DLC1: variants seen among roughly 807,000 people sequenced by gnomAD.
The protein encoded by DLC1 is rho GTPase-activating protein 7.
A neutral mutation model predicts 140.3 loss-of-function variants in DLC1; 54 were observed. That is an observed-to-expected ratio of 0.38 (90% CI 0.31 to 0.48). The LOEUF is 0.48. DLC1 is among the 20% of genes least tolerant of loss of function. The probability of loss-of-function intolerance (pLI) is 0.96; values close to 1 mark genes in which losing one functional copy is unlikely to be tolerated. For missense variants in DLC1, 2,536 were observed against 1,907.0 expected (o/e 1.33, Z -6.14); for synonymous variants, 986 against 728.1 (o/e 1.35, Z -5.70).
At chr8:13,133,107 G>C (rs993388862) in intron 5 of DLC1, 4 of 1,480,876 alleles carry the variant, frequency 2.7e-6, no homozygotes, top group Middle Eastern at 1.8e-4. Flanking sequence ...ACGCATCCTT[G>C]CTCGCCGCTC....
rs572865446 is a variant in DLC1 at position 13,485,821 on chromosome 8, A to C, written c.1023+13228T>G. ...GATTTATTTCCATTTTGAGTTGCCC[A>C]GGAAAGGCTCATGCACAACTTAGCA... is the stretch of plus-strand genomic sequence containing the variant. On this transcript the variant is annotated intron_variant, in intron 2 of 17. Coordinates refer to ENST00000276297, the MANE Select transcript of DLC1 (RefSeq NM_182643.3). 2.0e-5 allele frequency among the ~76,000 whole-genome samples: 3 copies of C among 152,360 alleles called. No individual in the cohort carries two copies. In the South Asian group the frequency reaches 6.2e-4, roughly 32 times the overall value.
At chr8:13,383,777 G>C (rs978688108) in intron 4 of DLC1, among the ~76,000 whole-genome samples, 1 of 152,136 alleles carries the variant, frequency 6.6e-6, no homozygotes, top group Non-Finnish European at 1.5e-5. Context: ...AAATGACATA[G>C]AGAAGAGCCA....
At chr8:13,479,456 C>T (rs1163320262) in intron 2 of DLC1, among the ~76,000 whole-genome samples, 4 of 152,016 alleles carry the variant, frequency 2.6e-5, no homozygotes, top group Admixed American at 2.0e-4. Flanking sequence ...GCTGAAACAA[C>T]AGAAACAATG....
intron 5 of DLC1, among the ~76,000 whole-genome samples, chr8:13,208,589 G>A (rs755386526): frequency 3.3e-5 from 5 of 151,862 alleles, no homozygotes; most frequent in Non-Finnish European, 5.9e-5. Flanking sequence ...ATATTTTATC[G>A]AACTTCTGCT....
intron 3 of DLC1, among the ~76,000 whole-genome samples, chr8:13,398,807 T>C (rs545831969): frequency 5.9e-5 from 9 of 151,986 alleles, no homozygotes; most frequent in Non-Finnish European, 8.8e-5. Flanking sequence ...CAGTATTAGA[T>C]GACAGGAGCA....
chr8:13,498,295 G>A (rs1324873496), intron 2 of DLC1, among the ~76,000 whole-genome samples: 1 of 152,152 alleles, frequency 6.6e-6, no homozygotes, highest in Non-Finnish European at 1.5e-5. Context: ...TTTTGGTCAA[G>A]GGTTCACTTG....
At chr8:13,107,640 C>T (rs1057066308) in intron 7 of DLC1, among the ~76,000 whole-genome samples, 6 of 152,134 alleles carry the variant, frequency 3.9e-5, no homozygotes, top group Non-Finnish European at 5.9e-5. Context: ...ATTCCATAGG[C>T]CAAGAAGGTA....
At chr8:13,272,127 TCTTA>T (rs1830957893) in intron 5 of DLC1, among the ~76,000 whole-genome samples, 1 of 152,220 alleles carries the variant, frequency 6.6e-6, no homozygotes, top group South Asian at 2.1e-4. Flanking sequence ...ATTTAGTAGG[TCTTA>T]CTTTATAAGA....
chr8:13,480,483 A>G (rs1304706342), intron 2 of DLC1, among the ~76,000 whole-genome samples: 1 of 152,154 alleles, frequency 6.6e-6, no homozygotes, highest in Non-Finnish European at 1.5e-5. Context: ...GTCCAATTTT[A>G]CTGCTTTGTT....
intron 1 of DLC1, among the ~76,000 whole-genome samples, chr8:13,537,424 C>G (rs1481211628): frequency 6.6e-6 from 1 of 152,086 alleles, no homozygotes; most frequent in African/African-American, 2.4e-5. Flanking sequence ...CTGAAAATGT[C>G]TGAAATGCAG....
chr8:13,504,294 T>A (rs1479110104), intron 1 of DLC1, among the ~76,000 whole-genome samples: 1 of 152,076 alleles, frequency 6.6e-6, no homozygotes, highest in Non-Finnish European at 1.5e-5. Flanking sequence ...GCCAGGATAA[T>A]TTTTTATTTT....
chr8:13,380,369 A>G (rs1365711865), intron 4 of DLC1, among the ~76,000 whole-genome samples: 1 of 152,228 alleles, frequency 6.6e-6, no homozygotes, highest in Non-Finnish European at 1.5e-5. Flanking sequence ...ACTATTTTGT[A>G]GTGTTTTAAC....
At chr8:13,443,028 A>C (rs1004049724) in intron 2 of DLC1, among the ~76,000 whole-genome samples, 2 of 152,300 alleles carry the variant, frequency 1.3e-5, no homozygotes, top group South Asian at 2.1e-4. Flanking sequence ...GCAGCCATAA[A>C]AAAGGATGAG....
intron 5 of DLC1, among the ~76,000 whole-genome samples, chr8:13,187,778 T>C (rs1246885231): frequency 1.3e-5 from 2 of 152,138 alleles, no homozygotes; most frequent in African/African-American, 2.4e-5. Flanking sequence ...CCACTAACAT[T>C]TGTGGGATAT....
chr8:13,290,032 C>T (rs1474919791), intron 5 of DLC1, among the ~76,000 whole-genome samples: 1 of 150,962 alleles, frequency 6.6e-6, no homozygotes, highest in Non-Finnish European at 1.5e-5. Context: ...ACTCTAAGTT[C>T]TGTACAGGTA....
intron 1 of DLC1, among the ~76,000 whole-genome samples, chr8:13,587,136 G>A (rs1317270): frequency 0.14 from 21,484 of 149,208 alleles, 1,880 homozygotes; most frequent in African/African-American, 0.25. Flanking sequence ...ACAGATGGTG[G>A]CACATATACA....
intron 5 of DLC1, among the ~76,000 whole-genome samples, chr8:13,153,297 C>G (rs1585784292): frequency 6.6e-6 from 1 of 152,152 alleles, no homozygotes; most frequent in African/African-American, 2.4e-5. Context: ...GGTGGCGCGT[C>G]TGGAGTTGTT....
chr8:13,339,995 A>G (rs1004102482), intron 4 of DLC1: 1 of 152,190 alleles, frequency 6.6e-6, no homozygotes, highest in Non-Finnish European at 1.5e-5. Context: ...GAAGTAGAAA[A>G]TCAGGTAGCA....
At chr8:13,590,351 A>C (rs1289073798) in intron 1 of DLC1, among the ~76,000 whole-genome samples, 2 of 152,024 alleles carry the variant, frequency 1.3e-5, no homozygotes, top group African/African-American at 4.8e-5. Flanking sequence ...GGTTTCACCA[A>C]GTGGAAACTT....
Sources: gnomAD v4.1 joint callset for allele counts (sites outside exome capture counted in the v4.1 genomes callset) on GRCh38, gnomAD v4.1.1 for gene constraint, MANE v1.5 for transcripts, NCBI Gene and HGNC (gene_info 2026-07-23, HGNC 2026-07-21) for gene names.